The following STON2 variants were observed in gnomAD, a reference collection of about 807,000 sequenced individuals.
STON2 encodes the protein stonin-2.
Under a neutral mutation model 65.7 loss-of-function variants are expected in STON2, and 29 were observed. The observed-to-expected ratio is 0.44, with a 90% CI of 0.33 to 0.60. The LOEUF is 0.60. Ranked by LOEUF, STON2 falls within the 20% of genes least tolerant of loss-of-function variation. The pLI is 0.03. For synonymous variants in STON2, 404 were observed against 414.2 expected (o/e 0.98, Z 0.30); for missense variants, 1,054 against 1,118.1 (o/e 0.94, Z 0.82).
chr14:81,289,870 C>T (rs575803495), intron 5 of STON2, among the ~76,000 whole-genome samples: 16 of 152,298 alleles, frequency 1.1e-4, no homozygotes, highest in Non-Finnish European at 2.1e-4. Flanking sequence ...AGGAATTATA[C>T]AAGGGCAAGG....
chr14:81,315,654 C>G (rs1294017062), intron 5 of STON2, among the ~76,000 whole-genome samples: 1 of 152,254 alleles, frequency 6.6e-6, no homozygotes, highest in Non-Finnish European at 1.5e-5. Context: ...TTCTCAGGGG[C>G]AGAAACACCT....
chr14:81,292,802 TC>T (rs777167721), intron 5 of STON2, among the ~76,000 whole-genome samples: 37 of 152,226 alleles, frequency 2.4e-4, no homozygotes, highest in Non-Finnish European at 4.6e-4. Flanking sequence ...CTTCTGTTGT[TC>T]AAGTAACAGG....
rs1459408871 is a variant in STON2, at chr14:81,278,212, T to C, written c.1270A>G (p.Ile424Val). 1.2e-6 allele frequency: 2 copies of C among 1,614,072 alleles called. No individual in the cohort carries two copies. The highest frequency in any genetic ancestry group is 1.7e-6 in the Non-Finnish European group (2 of 1,180,044). Residue 424 changes from isoleucine to valine, a missense_variant, in exon 6 of 8, where the codon ATC becomes GTC. Coordinates refer to ENST00000614646, the MANE Select transcript of STON2 (RefSeq NM_001394390.1). The stretch of plus-strand genomic sequence containing the variant: ...GTTTTGCTTGAATCATCAAAACTGA[T>C]GGCATCCTGGTAGATGACAATGAGG... ...DSLIVIYQDA[I>V]SFDDSSKTQS... is the part of the protein sequence containing the mutation.
intron 5 of STON2, among the ~76,000 whole-genome samples, chr14:81,307,092 CAG>C (rs1255172050): frequency 6.6e-6 from 1 of 152,210 alleles, no homozygotes; most frequent in East Asian, 1.9e-4. Context: ...GGAATCATCT[CAG>C]TGATCACTCC....
At position 81,271,303 on chromosome 14, in the gene STON2, TTTC is replaced by T. The variant is rs552089435; in HGVS notation, c.2582-434_2582-432del. The stretch of plus-strand genomic sequence containing the variant: ...GCTTTCCTTTGAAGAATGAATTGAT[TTTC>T]TTAATAGTATTTCATACTTTCAAAA... On this transcript the variant is annotated intron_variant, in intron 6 of 7. Coordinates refer to ENST00000614646, the MANE Select transcript of STON2 (RefSeq NM_001394390.1). Among the ~76,000 whole-genome samples, 1,254 of 152,334 alleles carry T rather than the reference TTTC, an allele frequency of 8.2e-3. 8 individuals are homozygous for T. Among genetic ancestry groups the T allele is most frequent in the Non-Finnish European group, 0.014 (981 of 68,024 alleles).
At chr14:81,409,276 G>T (rs560813977) in intron 2 of STON2, among the ~76,000 whole-genome samples, 1 of 151,980 alleles carries the variant, frequency 6.6e-6, no homozygotes, top group South Asian at 2.1e-4. Flanking sequence ...GTAGTGGTGT[G>T]CGCCCATAAT....
chr14:81,372,676 T>C (rs893203937), intron 3 of STON2, among the ~76,000 whole-genome samples: 2 of 152,040 alleles, frequency 1.3e-5, no homozygotes, highest in South Asian at 2.1e-4. Context: ...CTACCATGTA[T>C]TGAGTACCCA....
At position 81,277,157 on chromosome 14, in the gene STON2, G is replaced by A. The variant is rs764416944; in HGVS notation, c.2325C>T (p.Asp775=). 5.0e-6 allele frequency: 8 copies of A among 1,614,098 alleles called. No homozygotes were observed. In the Admixed American group the frequency reaches 1.2e-4, roughly 24 times the overall value. The change falls in exon 6 of 8, where the codon GAC becomes GAT. Residue 775 remains aspartate (D), a synonymous_variant. Transcript: ENST00000614646. The part of the protein sequence containing the change: ...RMSTGFSANR[D]PLTQVPCENV... Reference sequence around the variant, plus strand: ...TCTCACAGGGAACCTGAGTGAGGGGGTCACGATTGGCGGAGAAGCCAGTTG... The same window carrying A: ...TCTCACAGGGAACCTGAGTGAGGGGATCACGATTGGCGGAGAAGCCAGTTG...
At chr14:81,404,354 T>C (rs1462656975), upstream of STON2, among the ~76,000 whole-genome samples, 1 of 152,228 alleles carries the variant, frequency 6.6e-6, no homozygotes, top group East Asian at 1.9e-4. Context: ...AAATATCTAA[T>C]AATTTTATAC....
At chr14:81,344,178 G>C (rs1219222207) in intron 4 of STON2, among the ~76,000 whole-genome samples, 1 of 151,780 alleles carries the variant, frequency 6.6e-6, no homozygotes, top group African/African-American at 2.4e-5. Context: ...AATAGTCCCC[G>C]TAAGATATTT....
At chr14:81,343,803 C>T (rs932107542) in intron 4 of STON2, among the ~76,000 whole-genome samples, 4 of 152,108 alleles carry the variant, frequency 2.6e-5, no homozygotes, top group African/African-American at 9.7e-5. Context: ...TCAGAACAAA[C>T]CTGCAGCTCA....
chr14:81,391,105 T>G (rs1185302907), intron 3 of STON2, among the ~76,000 whole-genome samples: 1 of 152,172 alleles, frequency 6.6e-6, no homozygotes, highest in Non-Finnish European at 1.5e-5. Flanking sequence ...CTCAAAATCC[T>G]TACTCTCATC....
At chr14:81,419,180 C>G (rs1901585271) in intron 2 of STON2, among the ~76,000 whole-genome samples, 2 of 152,128 alleles carry the variant, frequency 1.3e-5, no homozygotes, top group African/African-American at 4.8e-5. Context: ...TTACTCTATA[C>G]AGTACTATGT....
intron 2 of STON2, among the ~76,000 whole-genome samples, chr14:81,405,426 C>T (rs1900797900): frequency 6.7e-6 from 1 of 148,940 alleles, no homozygotes. Flanking sequence ...CCTGCTAAAT[C>T]CAACCTCTAG....
intron 5 of STON2, among the ~76,000 whole-genome samples, chr14:81,305,577 GT>G (rs767739239): frequency 1.3e-5 from 2 of 151,812 alleles, no homozygotes; most frequent in Admixed American, 6.6e-5. Context: ...ATCTATAGAA[GT>G]TTTTTTTATA....
rs779415992 is a variant in STON2, at chr14:81,268,152, C to A, written c.*262G>T. The A allele has an allele frequency of 9.1e-7, 1 of 1,094,990 alleles. No individual in the cohort carries two copies. The highest frequency in any genetic ancestry group is 7.6e-5 in the East Asian group (1 of 13,128). 67.8% of individuals were successfully genotyped at this position (1,094,990 alleles called of 1,614,324 possible). A position where few individuals can be genotyped will look rare whatever the true frequency, so the allele number is the denominator to read the frequency against. On this transcript the variant is annotated 3_prime_UTR_variant, in exon 8 of 8. Coordinates refer to ENST00000614646, the MANE Select transcript of STON2 (RefSeq NM_001394390.1). ...GACAAGACAAGGAGGCTTAATTATA[C>A]AGTAAGCTCCAACAGTCAGGTGAAC... is the stretch of plus-strand genomic sequence containing the variant.
chr14:81,263,225 T>C lies in STON2; in HGVS notation c.*5189A>G, dbSNP rs917691775. ...GTTTTGAATGTGGCCCAAGACAAAT[T>C]CGTAAACTTTCTTAAAACATTATGC... On this transcript the variant is annotated 3_prime_UTR_variant, in exon 8 of 8. Coordinates refer to ENST00000614646, the MANE Select transcript of STON2 (RefSeq NM_001394390.1). The C allele has an allele frequency of 4.3e-6, 4 of 937,118 alleles. No individual in the cohort carries two copies. Among genetic ancestry groups the C allele is most frequent in the African/African-American group, 3.6e-5 (2 of 56,098 alleles). The allele number at this position is 937,118 out of a possible 1,614,324, so 58.1% of individuals were successfully genotyped here.
chr14:81,272,303 T>C lies in STON2; in HGVS notation c.2582-1431A>G, dbSNP rs1447958299. ...CCACTTTGTCTGAGTTATAACCTCA[T>C]GGTCCCCAAAACAGAAGACCAAGTT... On this transcript the variant is annotated intron_variant, in intron 6 of 7. Coordinates refer to ENST00000614646, the MANE Select transcript of STON2 (RefSeq NM_001394390.1). Among the ~76,000 whole-genome samples, 4 of 152,242 alleles carry C rather than the reference T, an allele frequency of 2.6e-5. No individual in the cohort carries two copies. In the East Asian group the frequency reaches 7.7e-4, roughly 29 times the overall value.
chr14:81,435,397 G>A (rs762691395), intron 1 of STON2, among the ~76,000 whole-genome samples: 1 of 152,182 alleles, frequency 6.6e-6, no homozygotes, highest in African/African-American at 2.4e-5. Flanking sequence ...TATTTATTGA[G>A]TGCTTAGCGC....
Sources: allele counts gnomAD v4.1 joint callset (sites outside exome capture counted in the v4.1 genomes callset), GRCh38; gene constraint gnomAD v4.1.1; transcripts MANE v1.5; gene names NCBI Gene and HGNC (gene_info 2026-07-23, HGNC 2026-07-21).